ATF2: variants seen among roughly 807,000 people sequenced by gnomAD.
ATF2 encodes the protein cyclic AMP-dependent transcription factor ATF-2.
In ATF2, 24 loss-of-function variants were observed where a neutral mutation model predicts 60.6. That is an observed-to-expected ratio of 0.40 (90% CI 0.29 to 0.56). The LOEUF (loss-of-function observed/expected upper bound fraction) is 0.56. ATF2 is among the 20% of genes least tolerant of loss of function. ATF2 has a pLI of 0.54. For missense variants in ATF2, 433 were observed against 607.7 expected, an observed-to-expected ratio of 0.71 and a Z score of 3.02; for synonymous variants, 206 against 215.4, an observed-to-expected ratio of 0.96 and a Z score of 0.38.
At chr2:175,083,341 C>T (rs183822900) in intron 12 of ATF2, among the ~76,000 whole-genome samples, 253 of 152,164 alleles carry the variant, frequency 1.7e-3, no homozygotes, top group African/African-American at 5.1e-3. Flanking sequence ...GAAATAACGC[C>T]GCATATGTAC....
chr2:175,123,409 T>C (rs996798585), intron 4 of ATF2, among the ~76,000 whole-genome samples: 1 of 152,056 alleles, frequency 6.6e-6, no homozygotes, highest in Admixed American at 6.6e-5. Flanking sequence ...CATTAAACAT[T>C]TGTGAATGAA....
chr2:175,144,892 A>C (rs1003395793), intron 2 of ATF2, among the ~76,000 whole-genome samples: 14 of 152,224 alleles, frequency 9.2e-5, no homozygotes, highest in Non-Finnish European at 2.1e-4. Flanking sequence ...ATGGAGAGGA[A>C]AGGTGAGTGC....
rs541678561 is a variant in ATF2 at position 175,073,896 on chromosome 2, A to T, written c.*713T>A. On this transcript the variant is annotated 3_prime_UTR_variant, in exon 14 of 14. Transcript: ENST00000264110. ...ATAGGTGTAAAATATTGAATTTAAG[A>T]CTTGAAAAATAAAATCATTTTTGAA... 1 of 152,284 alleles carries T rather than the reference A, an allele frequency of 6.6e-6. No homozygotes were observed. The highest frequency in any genetic ancestry group is 1.9e-4 in the East Asian group (1 of 5,186). 9.4% of individuals were successfully genotyped at this position (152,284 alleles called of 1,614,324 possible).
chr2:175,142,682 CG>C lies in ATF2; in HGVS notation c.-43-6197del, dbSNP rs1698628667. 3.9e-5 allele frequency among the ~76,000 whole-genome samples: 5 copies of C among 129,150 alleles called. No individual in the cohort carries two copies. In the Admixed American group the frequency reaches 4.1e-4, roughly 11 times the overall value. 84.7% of individuals were successfully genotyped at this position (129,150 alleles called of 152,430 possible). On this transcript the variant is annotated intron_variant, in intron 2 of 13. Coordinates refer to ENST00000264110, the MANE Select transcript of ATF2 (RefSeq NM_001880.4). The stretch of plus-strand genomic sequence containing the variant: ...TAATTCTAAAAAACCCTAACGCTGC[CG>C]AAAGAGAGAGAGAGAGAGAGAGAGA...
chr2:175,154,455 G>A (rs1699534836), intron 1 of ATF2, among the ~76,000 whole-genome samples: 1 of 151,510 alleles, frequency 6.6e-6, no homozygotes, highest in African/African-American at 2.4e-5. Context: ...GGACCTGCCT[G>A]AGGTTGTTTT....
At chr2:175,152,999 T>C (rs189265356) in intron 1 of ATF2, among the ~76,000 whole-genome samples, 3 of 152,314 alleles carry the variant, frequency 2.0e-5, no homozygotes, top group African/African-American at 7.2e-5. Context: ...GGGTTCTTAT[T>C]TCAGCAGTTA....
At chr2:175,152,938 GTTTATT>G (rs1574492756) in intron 1 of ATF2, among the ~76,000 whole-genome samples, 1 of 152,176 alleles carries the variant, frequency 6.6e-6, no homozygotes, top group African/African-American at 2.4e-5. Flanking sequence ...TCAGAGAAAT[GTTTATT>G]TTTAAAGTAT....
At position 175,132,372 on chromosome 2, in the gene ATF2, T is replaced by C. The variant is rs564048639; in HGVS notation, c.33-2165A>G. On this transcript the variant is annotated intron_variant, in intron 3 of 13. Coordinates refer to ENST00000264110, the MANE Select transcript of ATF2 (RefSeq NM_001880.4). ...AGAAAGCTTCCTCCAATTTCTAGTT[T>C]CCTGCGAGTTTTAATGATGAGTAGA... Among the ~76,000 whole-genome samples, 8 of 152,330 alleles carry C rather than the reference T, an allele frequency of 5.3e-5. No homozygotes were observed. The South Asian group carries it at 1.7e-3, about 32-fold the overall frequency.
chr2:175,161,026 A>T (rs1287763230), intron 1 of ATF2, among the ~76,000 whole-genome samples: 3 of 152,200 alleles, frequency 2.0e-5, no homozygotes, highest in Non-Finnish European at 4.4e-5. Flanking sequence ...TGACAGAGTA[A>T]GACTTTGTCT....
At chr2:175,089,354 A>G (rs1019210395) in intron 12 of ATF2, among the ~76,000 whole-genome samples, 4 of 152,150 alleles carry the variant, frequency 2.6e-5, no homozygotes, top group African/African-American at 7.2e-5. Context: ...TTAAGGCCTA[A>G]TATGTATTTG....
At chr2:175,119,057 A>G (rs1328524511) in intron 5 of ATF2, among the ~76,000 whole-genome samples, 2 of 151,650 alleles carry the variant, frequency 1.3e-5, no homozygotes, top group Non-Finnish European at 3.0e-5. Flanking sequence ...ATTTTCTTAC[A>G]ACATGAAACA....
At chr2:175,078,095 G>A (rs1277938342) in intron 13 of ATF2, among the ~76,000 whole-genome samples, 1 of 152,178 alleles carries the variant, frequency 6.6e-6, no homozygotes, top group Non-Finnish European at 1.5e-5. Flanking sequence ...AGCCTCCCAA[G>A]TAGCTGGGAC....
chr2:175,095,517 A>C (rs182616424), intron 11 of ATF2, among the ~76,000 whole-genome samples: 13 of 152,340 alleles, frequency 8.5e-5, no homozygotes, highest in African/African-American at 3.1e-4. Context: ...CTAGCAGAAT[A>C]ACAGAAGCTT....
At chr2:175,093,350 A>C in intron 11 of ATF2, 83 bp from the exon 12 acceptor site, 1 of 1,332,290 alleles carries the variant, frequency 7.5e-7, no homozygotes, top group Non-Finnish European at 1.0e-6. Flanking sequence ...TCAAAGGGGG[A>C]GAGCAACTGT....
rs536384486 is a variant in ATF2 at position 175,130,085 on chromosome 2, A to G, written c.102+53T>C. On this transcript the variant is annotated intron_variant, in intron 4 of 13. Transcript: ENST00000264110. Reference sequence around the variant, plus strand: ...TTAGTGATAACATATTATATCATCAATGTTTTAATAAGTGGAAATATACAA... The same window carrying G: ...TTAGTGATAACATATTATATCATCAGTGTTTTAATAAGTGGAAATATACAA... The G allele has an allele frequency of 5.2e-5, 65 of 1,242,802 alleles. No homozygotes were observed. The East Asian group carries it at 1.0e-3, about 19-fold the overall frequency. 77.0% of individuals were successfully genotyped at this position (1,242,802 alleles called of 1,614,324 possible).
chr2:175,094,758 A>G (rs540999375), intron 11 of ATF2, among the ~76,000 whole-genome samples: 1 of 152,306 alleles, frequency 6.6e-6, no homozygotes, highest in East Asian at 1.9e-4. Flanking sequence ...TGGGCAACAT[A>G]GCAAAACCTC....
At chr2:175,120,880 C>T (rs1440835155) in intron 5 of ATF2, among the ~76,000 whole-genome samples, 1 of 151,608 alleles carries the variant, frequency 6.6e-6, no homozygotes, top group Admixed American at 6.6e-5. Flanking sequence ...TTTTCACATA[C>T]AGTGAAAAAT....
intron 12 of ATF2, 145 bp from the exon 13 acceptor site, chr2:175,080,910 C>T (rs1005051188): frequency 3.8e-6 from 2 of 523,778 alleles, no homozygotes; most frequent in Non-Finnish European, 6.7e-6. Flanking sequence ...TATGTCTAAT[C>T]AGCACAGGGC....
At chr2:175,089,127 C>G (rs754747157) in intron 12 of ATF2, among the ~76,000 whole-genome samples, 1 of 151,686 alleles carries the variant, frequency 6.6e-6, no homozygotes, top group Non-Finnish European at 1.5e-5. Context: ...TTGCAGTGAG[C>G]TGAGATTGCG....
Sources: allele counts gnomAD v4.1 joint callset (sites outside exome capture counted in the v4.1 genomes callset), GRCh38; gene constraint gnomAD v4.1.1; transcripts MANE v1.5; gene names NCBI Gene and HGNC (gene_info 2026-07-23, HGNC 2026-07-21).